GSPT1: variants seen among roughly 807,000 people sequenced by gnomAD.
GSPT1 encodes G1 to S phase transition 1.
In GSPT1, 20 loss-of-function variants were observed where a neutral mutation model predicts 72.5. That is an observed-to-expected ratio of 0.28 (90% CI 0.19 to 0.40). The LOEUF (loss-of-function observed/expected upper bound fraction) is 0.40, where lower values mean the gene tolerates loss of function less well. Among genes scored for constraint, GSPT1 ranks in the 10% least tolerant of loss-of-function variants. The probability of loss-of-function intolerance (pLI) is 1.00; values close to 1 mark genes in which losing one functional copy is unlikely to be tolerated. For missense variants in GSPT1, 580 were observed against 811.9 expected (o/e 0.71, Z 3.47); for synonymous variants, 334 against 293.5 (o/e 1.14, Z -1.41).
rs565136254 is a variant in GSPT1 at position 11,872,075 on chromosome 16, G to C, written c.*1044C>G. The C allele has an allele frequency of 1.3e-5, 2 of 152,230 alleles. No individual in the cohort carries two copies. The highest frequency in any genetic ancestry group is 3.9e-4 in the East Asian group (2 of 5,186). 9.4% of individuals were successfully genotyped at this position (152,230 alleles called of 1,614,324 possible). ...TTGAGATTTAGCTTTAACCAGCAAG[G>C]ATCATCCAACCTTTAAAGTTACTGA... is the stretch of plus-strand genomic sequence containing the variant. On this transcript the variant is annotated 3_prime_UTR_variant, in exon 15 of 15. Coordinates refer to ENST00000434724, the MANE Select transcript of GSPT1 (RefSeq NM_002094.4).
intron 1 of GSPT1, among the ~76,000 whole-genome samples, chr16:11,901,616 C>CAA (rs903853965): frequency 8.7e-5 from 10 of 114,524 alleles, no homozygotes; most frequent in African/African-American, 3.6e-4. Flanking sequence ...TCTCCACACA[C>CAA]AAAAATATAT....
chr16:11,897,920 C>T (rs1316696003), intron 2 of GSPT1, 39 bp from the exon 3 acceptor site: 29 of 1,451,448 alleles, frequency 2.0e-5, no homozygotes, highest in Middle Eastern at 1.8e-4. Context: ...ATTTACCAAA[C>T]AGTATCTAGC....
intron 1 of GSPT1, among the ~76,000 whole-genome samples, chr16:11,906,872 A>C (rs1223247923): frequency 6.6e-6 from 1 of 152,174 alleles, no homozygotes; most frequent in African/African-American, 2.4e-5. Context: ...CCAACAACAA[A>C]GAACGATCCC....
Position 11,908,588 on chromosome 16 carries a change from GTCTCTACTAAAAATA to G in GSPT1, c.352+6766_352+6780del, listed in dbSNP as rs1322652952. ...ATCCCGGCTAAAACGGTGAAACCCC[GTCTCTACTAAAAATA>G]CAAAAAATTAGCCGGGCGTAGTGGC... On this transcript the variant is annotated intron_variant, in intron 1 of 14. Transcript: ENST00000434724. 8.4e-5 allele frequency: 9 copies of G among 106,890 alleles called. 2 individuals carry two copies. Among genetic ancestry groups the G allele is most frequent in the African/African-American group, 2.9e-4 (6 of 20,804 alleles). 6.6% of individuals were successfully genotyped at this position (106,890 alleles called of 1,614,324 possible).
At chr16:11,898,387 C>G (rs1017331617) in intron 1 of GSPT1, among the ~76,000 whole-genome samples, 1 of 151,298 alleles carries the variant, frequency 6.6e-6, no homozygotes, top group African/African-American at 2.4e-5. Context: ...AAATACACAT[C>G]TACTTCCCGT....
intron 14 of GSPT1, 69 bp downstream of exon 14, chr16:11,875,692 G>A: frequency 9.0e-7 from 1 of 1,109,626 alleles, no homozygotes; most frequent in Non-Finnish European, 1.3e-6. Flanking sequence ...GTACTGTACT[G>A]AGATGATGAA....
chr16:11,873,010 A>T lies in GSPT1; in HGVS notation c.*109T>A, dbSNP rs2053995420. 2 of 651,866 alleles carry T rather than the reference A, an allele frequency of 3.1e-6. No individual in the cohort carries two copies. Among genetic ancestry groups the T allele is most frequent in the Admixed American group, 4.7e-5 (2 of 42,572 alleles). 40.4% of individuals were successfully genotyped at this position (651,866 alleles called of 1,614,324 possible). Reference sequence around the variant, plus strand: ...TTTGCTGTGAATTTCCTCTTTGCAAAATATGGGGAGAGGTTTATCAATGGG... The same window carrying T: ...TTTGCTGTGAATTTCCTCTTTGCAATATATGGGGAGAGGTTTATCAATGGG... On this transcript the variant is annotated 3_prime_UTR_variant, in exon 15 of 15. Coordinates refer to ENST00000434724, the MANE Select transcript of GSPT1 (RefSeq NM_002094.4).
intron 12 of GSPT1, among the ~76,000 whole-genome samples, 153 bp from the exon 13 acceptor site, chr16:11,876,328 T>A (rs1234852568): frequency 6.6e-6 from 1 of 152,200 alleles, no homozygotes; most frequent in Non-Finnish European, 1.5e-5. Context: ...TAGGTTTGTC[T>A]TACTAATTTT....
intron 5 of GSPT1, among the ~76,000 whole-genome samples, chr16:11,893,065 T>C (rs895606411): frequency 6.6e-5 from 10 of 151,960 alleles, no homozygotes; most frequent in South Asian, 4.1e-4. Flanking sequence ...TTTCAGAATA[T>C]AGTAGGTTTT....
intron 5 of GSPT1, among the ~76,000 whole-genome samples, chr16:11,894,147 C>A (rs1353627111): frequency 1.3e-5 from 1 of 75,938 alleles, no homozygotes; most frequent in Non-Finnish European, 2.3e-5. Context: ...CAGAATGAGA[C>A]CCTATCTCAA....
chr16:11,903,816 T>A (rs2054449126), intron 1 of GSPT1: 1 of 152,302 alleles, frequency 6.6e-6, no homozygotes, highest in Non-Finnish European at 1.5e-5. Context: ...TAATTGTTTA[T>A]CAAGACGAAC....
At chr16:11,896,025 A>C (rs183965848) in intron 4 of GSPT1, among the ~76,000 whole-genome samples, 87 of 152,336 alleles carry the variant, frequency 5.7e-4, no homozygotes, top group African/African-American at 2.0e-3. Context: ...AAGACACATA[A>C]TTCTGTATTT....
chr16:11,889,768 A>G (rs1432483926), intron 6 of GSPT1, among the ~76,000 whole-genome samples: 1 of 151,424 alleles, frequency 6.6e-6, no homozygotes, highest in Non-Finnish European at 1.5e-5. Flanking sequence ...GGCCTCCCAA[A>G]GCGCTGGGAT....
intron 1 of GSPT1, among the ~76,000 whole-genome samples, chr16:11,898,974 T>A (rs560203547): frequency 1.3e-5 from 2 of 152,302 alleles, no homozygotes; most frequent in South Asian, 4.1e-4. Flanking sequence ...AATTTACTTA[T>A]GACATTACTG....
At chr16:11,898,545 C>T (rs1049313797) in intron 1 of GSPT1, among the ~76,000 whole-genome samples, 5 of 151,192 alleles carry the variant, frequency 3.3e-5, no homozygotes, top group African/African-American at 9.7e-5. Context: ...TCCATCTCCC[C>T]GGTTCAAGCG....
chr16:11,912,191 C>A (rs1293345774), intron 1 of GSPT1, among the ~76,000 whole-genome samples: 2 of 151,458 alleles, frequency 1.3e-5, no homozygotes, highest in African/African-American at 2.4e-5. Context: ...AAAACACACA[C>A]ACACAAAATA....
chr16:11,891,283 T>A (rs575581727), intron 5 of GSPT1, 144 bp from the exon 6 acceptor site: 15 of 255,276 alleles, frequency 5.9e-5, no homozygotes, highest in South Asian at 3.4e-4. Context: ...AAATATAAAA[T>A]ATATATATAA....
chr16:11,896,648 C>T lies in GSPT1; in HGVS notation c.574G>A (p.Glu192Lys), dbSNP rs2054343297. ...EESAHEMMEE[E>K]EEIPKPKSVV... is the part of the protein sequence containing the mutation. ...GACTTAGGTTTTGGGATTTCCTCTT[C>T]CTCCTCCATCATTTCATGGGCACTT... The change falls in exon 4 of 15, where the codon GAA becomes AAA. Residue 192 changes from glutamate (E) to lysine (K), a missense_variant. Around this residue, in one of 6 missense-constraint regions of GSPT1, gnomAD observed 327 missense variants for 298.8 expected, o/e 1.09. Transcript: ENST00000434724. 1.2e-6 allele frequency: 2 copies of T among 1,609,508 alleles called. No homozygotes were observed. The highest frequency in any genetic ancestry group is 2.2e-5 in the East Asian group (1 of 44,832).
intron 7 of GSPT1, 134 bp from the exon 8 acceptor site, chr16:11,887,065 T>C: frequency 3.1e-6 from 2 of 635,454 alleles, no homozygotes; most frequent in Non-Finnish European, 5.3e-6. Context: ...AAACGAGTTA[T>C]GACGTACCTG....
Sources: gnomAD v4.1 joint callset for allele counts (sites outside exome capture counted in the v4.1 genomes callset) on GRCh38, gnomAD v4.1.1 for gene constraint, gnomAD v4.1.1 regional missense constraint, MANE v1.5 for transcripts, NCBI Gene and HGNC (gene_info 2026-07-23, HGNC 2026-07-21) for gene names.